The following RYR3 variants were observed in gnomAD, a reference collection of about 807,000 sequenced individuals.
RYR3 encodes ryanodine receptor 3.
RYR3 carries 207 observed loss-of-function variants against 584.3 expected under a neutral mutation model. That is an observed-to-expected ratio of 0.35 (90% confidence interval 0.32 to 0.40). RYR3 has a LOEUF of 0.40. Ranked by LOEUF, RYR3 falls within the 10% of genes least tolerant of loss-of-function variation. RYR3 has a pLI of 1.00. For synonymous variants in RYR3, 2,416 were observed against 2,248.5 expected (o/e 1.07, Z -2.11); for missense variants, 5,616 against 6,089.2 (o/e 0.92, Z 2.59).
intron 67 of RYR3, among the ~76,000 whole-genome samples, chr15:33,798,867 A>G (rs1342687344): frequency 2.0e-5 from 3 of 152,278 alleles, no homozygotes; most frequent in African/African-American, 7.2e-5. Flanking sequence ...AGGATCCCAA[A>G]GTGATCTTGG....
intron 20 of RYR3, among the ~76,000 whole-genome samples, chr15:33,626,981 C>T (rs915633322): frequency 1.3e-5 from 2 of 152,164 alleles, no homozygotes; most frequent in Non-Finnish European, 2.9e-5. Flanking sequence ...GAAGCCCCCA[C>T]ACAGAGTCCT....
At chr15:33,635,170 A>G (rs1169400545) in intron 25 of RYR3, among the ~76,000 whole-genome samples, 2 of 152,182 alleles carry the variant, frequency 1.3e-5, no homozygotes, top group African/African-American at 4.8e-5. Context: ...TTGTCATCCC[A>G]TGCCCCAGGA....
intron 65 of RYR3, among the ~76,000 whole-genome samples, chr15:33,781,494 G>T (rs2074376359): frequency 6.6e-6 from 1 of 152,168 alleles, no homozygotes; most frequent in African/African-American, 2.4e-5. Flanking sequence ...TAAGGAAGAA[G>T]CATTCTGAGC....
intron 16 of RYR3, among the ~76,000 whole-genome samples, chr15:33,590,516 ATTC>A (rs1196157369): frequency 3.9e-5 from 6 of 152,152 alleles, no homozygotes; most frequent in South Asian, 4.1e-4. Flanking sequence ...AAAGATATTC[ATTC>A]TTCTTCTGAT....
chr15:33,396,816 T>C (rs2042327753), intron 1 of RYR3, among the ~76,000 whole-genome samples: 1 of 152,150 alleles, frequency 6.6e-6, no homozygotes, highest in Non-Finnish European at 1.5e-5. Flanking sequence ...CTCTCACTCA[T>C]AGATATCCTG....
chr15:33,794,428 C>T (rs937849133), intron 67 of RYR3, among the ~76,000 whole-genome samples: 3 of 148,102 alleles, frequency 2.0e-5, no homozygotes, highest in Non-Finnish European at 4.5e-5. Flanking sequence ...AAAATCCCTG[C>T]TTTTTTGAGG....
chr15:33,540,277 G>A (rs550159453), intron 6 of RYR3, among the ~76,000 whole-genome samples: 2 of 152,270 alleles, frequency 1.3e-5, no homozygotes, highest in East Asian at 3.9e-4. Context: ...TTCAGGACAT[G>A]GGGTATCACA....
chr15:33,829,666 T>C lies in RYR3; in HGVS notation c.11335-1297T>C, dbSNP rs1040089357. Among the ~76,000 whole-genome samples the C allele has an allele frequency of 5.3e-5, 8 of 150,204 alleles. 1 individual carries two copies. The highest frequency in any genetic ancestry group is 1.2e-4 in the Non-Finnish European group (8 of 67,810). ...TACTCGGGAGGCTGAGGCAGGAGAA[T>C]GGCGTGAACCCGGGAGGCGGAGCTT... On this transcript the variant is annotated intron_variant, in intron 85 of 103. Coordinates refer to ENST00000634891, the MANE Select transcript of RYR3 (RefSeq NM_001036.6).
intron 1 of RYR3, among the ~76,000 whole-genome samples, chr15:33,453,583 T>C (rs1382457937): frequency 2.6e-5 from 4 of 152,210 alleles, no homozygotes; most frequent in Non-Finnish European, 4.4e-5. Context: ...GTGATGATTC[T>C]CCCAAAGAAT....
chr15:33,813,628 G>C (rs1242814463), intron 74 of RYR3, 49 bp downstream of exon 74: 1 of 1,398,056 alleles, frequency 7.2e-7, no homozygotes, highest in Admixed American at 1.7e-5. Flanking sequence ...GATGGGAATG[G>C]AGGTATCCTC....
rs1323272533 is a variant in RYR3, at chr15:33,838,631, G to C, written c.12651G>C (p.Gly4217=). ...TCCTCTGGAGCACAGTGTTTGGAGG[G>C]GGCCTGGTAGAAGGGGCAAAGAACA... The part of the protein sequence containing the change: ...FQILWSTVFG[G]GLVEGAKNIR... The change falls in exon 89 of 104, where the codon GGG becomes GGC. Residue 4217 remains glycine, a synonymous_variant. Coordinates refer to ENST00000634891, the MANE Select transcript of RYR3 (RefSeq NM_001036.6). The C allele has an allele frequency of 1.2e-6, 2 of 1,613,770 alleles. No homozygotes were observed. The highest frequency in any genetic ancestry group is 1.3e-5 in the African/African-American group (1 of 74,894).
intron 38 of RYR3, among the ~76,000 whole-genome samples, chr15:33,681,404 TA>T (rs1397033875): frequency 1.3e-5 from 2 of 152,210 alleles, no homozygotes; most frequent in African/African-American, 4.8e-5. Flanking sequence ...CTGGACTTTC[TA>T]GGGGAGAATA....
At chr15:33,363,530 A>G (rs1475737023) in intron 1 of RYR3, among the ~76,000 whole-genome samples, 1 of 152,190 alleles carries the variant, frequency 6.6e-6, no homozygotes, top group African/African-American at 2.4e-5. Context: ...AAATCCACAT[A>G]TGTGGATATT....
intron 3 of RYR3, among the ~76,000 whole-genome samples, chr15:33,524,967 A>T (rs894881509): frequency 6.6e-6 from 1 of 152,174 alleles, no homozygotes; most frequent in African/African-American, 2.4e-5. Context: ...GTACAATCGT[A>T]TCTGTCTTCT....
chr15:33,629,893 C>T (rs1249017522), intron 21 of RYR3, 47 bp from the exon 22 acceptor site: 8 of 1,064,400 alleles, frequency 7.5e-6, no homozygotes, highest in East Asian at 5.0e-5. Flanking sequence ...CATGCAGTGC[C>T]AGCTGGTCAA....
At chr15:33,538,821 C>T (rs2055556001) in intron 5 of RYR3, among the ~76,000 whole-genome samples, 1 of 152,166 alleles carries the variant, frequency 6.6e-6, no homozygotes, top group Non-Finnish European at 1.5e-5. Flanking sequence ...AAGCTTCCAC[C>T]TGCTTTCCTT....
rs28655866 is a variant in RYR3 at position 33,838,001 on chromosome 15, C to T, written c.12021C>T (p.Asn4007=). 31 of 1,613,820 alleles carry T rather than the reference C, an allele frequency of 1.9e-5. No homozygotes were observed. The highest frequency in any genetic ancestry group is 1.8e-4 in the South Asian group (16 of 91,082). The stretch of plus-strand genomic sequence containing the variant: ...CAAATCTTTCTGAACACATGCCAAA[C>T]GATTCCCGCCTGAAGTGTCTGTTGG... ...LLTNLSEHMP[N]DSRLKCLLDP... is the part of the protein sequence containing the mutation. Residue 4007 remains asparagine, a synonymous_variant, in exon 89 of 104, where the codon AAC becomes AAT. Transcript: ENST00000634891.
At chr15:33,375,122 A>T (rs1250701765) in intron 1 of RYR3, among the ~76,000 whole-genome samples, 4 of 152,206 alleles carry the variant, frequency 2.6e-5, no homozygotes, top group African/African-American at 9.6e-5. Context: ...ATTGCTCTCT[A>T]ACTAAGGATA....
chr15:33,643,256 G>C (rs1409894291), intron 27 of RYR3, among the ~76,000 whole-genome samples: 1 of 152,146 alleles, frequency 6.6e-6, no homozygotes, highest in Non-Finnish European at 1.5e-5. Flanking sequence ...TACCCTTCCA[G>C]GCGCTCTCTG....
Sources: gnomAD v4.1 joint callset for allele counts (sites outside exome capture counted in the v4.1 genomes callset) on GRCh38, gnomAD v4.1.1 for gene constraint, MANE v1.5 for transcripts, NCBI Gene and HGNC (gene_info 2026-07-23, HGNC 2026-07-21) for gene names.